The following ROBO1 variants were observed in gnomAD, a reference collection of about 807,000 sequenced individuals.
ROBO1 encodes roundabout homolog 1.
A neutral mutation model predicts 195.9 loss-of-function variants in ROBO1; 149 were observed. That is an observed-to-expected ratio of 0.76 (90% CI 0.67 to 0.87). ROBO1 has a LOEUF of 0.87. ROBO1 is among the 40% of genes least tolerant of loss of function. The pLI is 0.00. For missense variants in ROBO1, 1,933 were observed against 2,068.3 expected (o/e 0.93, Z 1.27); for synonymous variants, 816 against 733.2 (o/e 1.11, Z -1.82).
chr3:78,757,256 G>A (rs201618147), intron 4 of ROBO1, among the ~76,000 whole-genome samples: 2 of 152,178 alleles, frequency 1.3e-5, no homozygotes, highest in Non-Finnish European at 2.9e-5. Flanking sequence ...AATTGCAAAT[G>A]AGGACACATA....
At chr3:79,209,803 C>T (rs774099517) in intron 2 of ROBO1, among the ~76,000 whole-genome samples, 2 of 151,912 alleles carry the variant, frequency 1.3e-5, no homozygotes, top group Non-Finnish European at 2.9e-5. Flanking sequence ...AAGACTCATC[C>T]GAAAAGCTCC....
At chr3:79,326,766 A>G (rs2034230325) in intron 2 of ROBO1, among the ~76,000 whole-genome samples, 2 of 152,226 alleles carry the variant, frequency 1.3e-5, no homozygotes, top group Admixed American at 6.5e-5. Flanking sequence ...AACTAAAAGT[A>G]AACTTCATTT....
At chr3:78,709,187 T>C (rs2081622215) in intron 8 of ROBO1, among the ~76,000 whole-genome samples, 1 of 152,144 alleles carries the variant, frequency 6.6e-6, no homozygotes, top group Admixed American at 6.5e-5. Context: ...TCTGGCTAAC[T>C]CAAAGTTAAG....
At chr3:79,317,908 AAAC>A (rs2033808925) in intron 2 of ROBO1, among the ~76,000 whole-genome samples, 3 of 152,316 alleles carry the variant, frequency 2.0e-5, no homozygotes. Context: ...ACACACGCAT[AAAC>A]AACTTTATGT....
At chr3:79,168,984 A>C (rs1187144972) in intron 2 of ROBO1, among the ~76,000 whole-genome samples, 2 of 152,180 alleles carry the variant, frequency 1.3e-5, no homozygotes, top group African/African-American at 4.8e-5. Context: ...CTAAAGATAA[A>C]GGGGAAAGAG....
intron 5 of ROBO1, among the ~76,000 whole-genome samples, chr3:78,734,663 T>A (rs909955692): frequency 2.6e-5 from 4 of 151,026 alleles, no homozygotes; most frequent in Non-Finnish European, 5.9e-5. Context: ...AAGAGAATAC[T>A]AACAAACAGT....
Position 78,717,336 on chromosome 3 carries a change from G to A in ROBO1, c.856C>T (p.Arg286Ter). 1 of 1,612,334 alleles carries A rather than the reference G, an allele frequency of 6.2e-7. No homozygotes were observed. Among genetic ancestry groups the A allele is most frequent in the South Asian group, 1.1e-5 (1 of 90,884 alleles). ...DDSAEFKCEA[R>*]GDPVPTVRWR... is the part of the protein sequence containing the mutation. ...CGTACTGTAGGTACAGGGTCACCTCGGGCCTCACATTTAAATTCTGCACTG... is the reference window on the plus strand; with the variant it reads ...CGTACTGTAGGTACAGGGTCACCTCAGGCCTCACATTTAAATTCTGCACTG... The change falls in exon 7 of 31, where the codon CGA (arginine) becomes TGA (stop). Residue 286 changes from arginine to a stop codon, truncating the protein, a stop_gained. Coordinates refer to ENST00000464233, the MANE Select transcript of ROBO1 (RefSeq NM_002941.4). LOFTEE classifies it high-confidence loss of function.
intron 2 of ROBO1, among the ~76,000 whole-genome samples, chr3:79,573,825 C>A (rs1242312126): frequency 6.6e-6 from 1 of 152,050 alleles, no homozygotes; most frequent in East Asian, 1.9e-4. Context: ...ATCAAAAACC[C>A]AAGATATGAT....
intron 4 of ROBO1, among the ~76,000 whole-genome samples, chr3:78,834,786 T>C (rs1310093774): frequency 6.6e-6 from 1 of 152,172 alleles, no homozygotes; most frequent in East Asian, 1.9e-4. Flanking sequence ...ACTTCATTTT[T>C]TTAAAGCAGG....
intron 2 of ROBO1, 146 bp downstream of exon 2, chr3:79,589,678 C>A: frequency 1.6e-6 from 1 of 622,830 alleles, no homozygotes; most frequent in Non-Finnish European, 2.9e-6. Context: ...TTGATCAGCA[C>A]TCATACTCAA....
intron 4 of ROBO1, among the ~76,000 whole-genome samples, chr3:78,919,172 G>C (rs187109866): frequency 1.3e-5 from 2 of 152,142 alleles, no homozygotes; most frequent in Admixed American, 1.3e-4. Context: ...TTATGGTTAC[G>C]TGAGCTTCAA....
At chr3:78,880,772 T>C (rs887850414) in intron 4 of ROBO1, among the ~76,000 whole-genome samples, 1 of 152,152 alleles carries the variant, frequency 6.6e-6, no homozygotes, top group Admixed American at 6.6e-5. Context: ...AGAGCAGCTA[T>C]TTATGTCACA....
intron 4 of ROBO1, among the ~76,000 whole-genome samples, chr3:78,859,925 A>G (rs1367103061): frequency 2.0e-5 from 3 of 152,072 alleles, no homozygotes; most frequent in Non-Finnish European, 4.4e-5. Context: ...TAAAAATACA[A>G]AAAATTAGCC....
chr3:78,995,510 C>G (rs978738920), intron 3 of ROBO1, among the ~76,000 whole-genome samples: 4 of 152,046 alleles, frequency 2.6e-5, no homozygotes, highest in African/African-American at 9.7e-5. Flanking sequence ...CTCTATAGCC[C>G]GTCGATCGGG....
rs1182450466 is a variant in ROBO1 at position 78,598,047 on chromosome 3, A to G, written c.*866T>C. On this transcript the variant is annotated 3_prime_UTR_variant, in exon 31 of 31. Coordinates refer to ENST00000464233, the MANE Select transcript of ROBO1 (RefSeq NM_002941.4). ...TGGCACTTCTGAAAGTTGAACTGAC[A>G]CTACCAGAAGAAATTTAGGCCAGTT... 1 of 152,526 alleles carries G rather than the reference A, an allele frequency of 6.6e-6. No individual in the cohort carries two copies. The highest frequency in any genetic ancestry group is 1.9e-4 in the East Asian group (1 of 5,190). 9.4% of individuals were successfully genotyped at this position (152,526 alleles called of 1,614,324 possible).
chr3:79,383,747 A>G (rs1019958290), intron 2 of ROBO1, among the ~76,000 whole-genome samples: 2 of 152,052 alleles, frequency 1.3e-5, no homozygotes, highest in African/African-American at 4.8e-5. Context: ...CTTGAATTTC[A>G]TACCAGTAAT....
intron 3 of ROBO1, among the ~76,000 whole-genome samples, chr3:79,123,645 T>C (rs562717965): frequency 6.6e-6 from 1 of 152,018 alleles, no homozygotes; most frequent in Non-Finnish European, 1.5e-5. Context: ...CACTAGGTTG[T>C]TAAAGACAGT....
chr3:79,361,495 C>T (rs1179444925), intron 2 of ROBO1, among the ~76,000 whole-genome samples: 2 of 151,904 alleles, frequency 1.3e-5, no homozygotes, highest in African/African-American at 4.8e-5. Context: ...CGATTTAATA[C>T]CAGCAAAATA....
intron 2 of ROBO1, among the ~76,000 whole-genome samples, chr3:79,185,975 T>G (rs2081430330): frequency 6.6e-6 from 1 of 152,138 alleles, no homozygotes; most frequent in South Asian, 2.1e-4. Flanking sequence ...TTACGTGGAA[T>G]GAAGAATATA....
Sources: gnomAD v4.1 joint callset for allele counts (sites outside exome capture counted in the v4.1 genomes callset) on GRCh38, gnomAD v4.1.1 for gene constraint, MANE v1.5 for transcripts, NCBI Gene and HGNC (gene_info 2026-07-23, HGNC 2026-07-21) for gene names.